Variants in RNF185 observed in about 807,000 individuals in gnomAD.
RNF185 encodes E3 ubiquitin-protein ligase RNF185.
Under a neutral mutation model 24.9 loss-of-function variants are expected in RNF185, and 13 were observed. The ratio of observed to expected loss-of-function variants is 0.52; its 90% CI spans 0.34 to 0.83. RNF185 has a LOEUF of 0.83. RNF185 is among the 40% of genes least tolerant of loss of function. The probability of loss-of-function intolerance (pLI) is 0.01; values close to 1 mark genes in which losing one functional copy is unlikely to be tolerated. For synonymous variants in RNF185, 79 were observed against 90.3 expected, an observed-to-expected ratio of 0.88 and a Z score of 0.71; for missense variants, 184 against 244.7, an observed-to-expected ratio of 0.75 and a Z score of 1.65.
In RNF185 at chr22:31,180,556, G is replaced by T. The variant is rs994307025; in HGVS notation, c.-48-6491G>T. On this transcript the variant is annotated intron_variant, in intron 1 of 6. Transcript: ENST00000326132. ...TTTTTTTTAATACAATCAGAGTCTC[G>T]CTCTAATTGCCCAGGCTGGAGTGCA... is the stretch of plus-strand genomic sequence containing the variant. 2.7e-5 allele frequency among the ~76,000 whole-genome samples: 4 copies of T among 145,800 alleles called. No individual in the cohort carries two copies. In the East Asian group the frequency reaches 8.0e-4, roughly 29 times the overall value.
In RNF185 at chr22:31,205,876, A is replaced by C. The variant is rs900582193; in HGVS notation, c.*1290A>C. 9.8e-5 allele frequency: 15 copies of C among 152,638 alleles called. No individual in the cohort carries two copies. The highest frequency in any genetic ancestry group is 9.8e-4 in the Admixed American group (15 of 15,292). 9.5% of individuals were successfully genotyped at this position (152,638 alleles called of 1,614,324 possible). On this transcript the variant is annotated 3_prime_UTR_variant, in exon 7 of 7. Coordinates refer to ENST00000326132, the MANE Select transcript of RNF185 (RefSeq NM_152267.4). ...TTCCCAATACCTTGATTTGATTTTC[A>C]GTTTCATAAGCTTCTTCCTCTGAAT... is the stretch of plus-strand genomic sequence containing the variant.
chr22:31,172,183 G>T (rs934397676), intron 1 of RNF185, among the ~76,000 whole-genome samples: 5 of 151,708 alleles, frequency 3.3e-5, no homozygotes, highest in Non-Finnish European at 7.4e-5. Flanking sequence ...TTCACTGACT[G>T]TGTGAAAATA....
At chr22:31,166,175 G>A (rs1304000031) in intron 1 of RNF185, among the ~76,000 whole-genome samples, 1 of 152,010 alleles carries the variant, frequency 6.6e-6, no homozygotes, top group Non-Finnish European at 1.5e-5. Flanking sequence ...ATTTTTAGTA[G>A]AGATGGGGTT....
intron 1 of RNF185, among the ~76,000 whole-genome samples, chr22:31,164,583 C>G (rs1394486109): frequency 1.1e-5 from 1 of 91,734 alleles, no homozygotes; most frequent in Non-Finnish European, 2.1e-5. Flanking sequence ...TCCTCATTGT[C>G]TTTTTTTTTT....
At chr22:31,165,848 C>T (rs1923889458) in intron 1 of RNF185, among the ~76,000 whole-genome samples, 2 of 152,182 alleles carry the variant, frequency 1.3e-5, no homozygotes, top group Admixed American at 1.3e-4. Context: ...TCAGGACTAG[C>T]TGCTCATAGC....
rs1923477120 is a variant in RNF185, at chr22:31,160,232, G to C, written c.-120G>C. ...GGTCGGAGGTCTTACCCAACAGATT[G>C]ACGCGGCGTTAGTATTGGCCGTGTA... On this transcript the variant is annotated 5_prime_UTR_variant, in exon 1 of 7. Coordinates refer to ENST00000326132, the MANE Select transcript of RNF185 (RefSeq NM_152267.4). The C allele has an allele frequency of 6.6e-6, 1 of 152,626 alleles. No homozygotes were observed. Among genetic ancestry groups the C allele is most frequent in the African/African-American group, 2.4e-5 (1 of 41,410 alleles). The allele number at this position is 152,626 out of a possible 1,614,324, so 9.5% of individuals were successfully genotyped here.
chr22:31,195,324 TGGGA>T (rs1200672300), intron 3 of RNF185, 141 bp from the exon 4 acceptor site: 1 of 572,256 alleles, frequency 1.7e-6, no homozygotes, highest in Non-Finnish European at 3.1e-6. Context: ...GGAGAAGGAA[TGGGA>T]GTCAGGTTCC....
intron 1 of RNF185, among the ~76,000 whole-genome samples, chr22:31,185,314 T>G (rs957607176): frequency 2.6e-5 from 4 of 152,150 alleles, no homozygotes; most frequent in Admixed American, 1.3e-4. Context: ...AGGCCAGAGC[T>G]CTGAGTCCAC....
At chr22:31,190,108 C>T (rs1393684568) in intron 2 of RNF185, among the ~76,000 whole-genome samples, 2 of 152,134 alleles carry the variant, frequency 1.3e-5, no homozygotes, top group African/African-American at 2.4e-5. Context: ...TCAGCCACAG[C>T]GTGGCACACA....
intron 1 of RNF185, among the ~76,000 whole-genome samples, chr22:31,170,922 G>C (rs572491207): frequency 6.6e-6 from 1 of 151,736 alleles, no homozygotes; most frequent in South Asian, 2.1e-4. Flanking sequence ...TCAGCCTCCT[G>C]AGTAGCTGGC....
At chr22:31,181,485 C>T (rs905103031) in intron 1 of RNF185, among the ~76,000 whole-genome samples, 4 of 152,018 alleles carry the variant, frequency 2.6e-5, no homozygotes, top group Non-Finnish European at 4.4e-5. Context: ...TTATTTTTTT[C>T]CCCTGGAGTA....
chr22:31,166,217 C>T (rs1923909304), intron 1 of RNF185, among the ~76,000 whole-genome samples: 1 of 152,050 alleles, frequency 6.6e-6, no homozygotes, highest in African/African-American at 2.4e-5. Context: ...TCTCGAACTC[C>T]TGACCTCAAG....
chr22:31,168,892 C>T (rs562982112), intron 1 of RNF185, among the ~76,000 whole-genome samples: 1 of 151,958 alleles, frequency 6.6e-6, no homozygotes, highest in African/African-American at 2.4e-5. Flanking sequence ...CCTTTGCCCC[C>T]CCGCCCCACC....
At position 31,188,271 on chromosome 22, in the gene RNF185, T is replaced by G. The variant is rs35511132; in HGVS notation, c.176+1001T>G. On this transcript the variant is annotated intron_variant, in intron 2 of 6. Transcript: ENST00000326132. ...CGTTTAAACAATATTTAAGGGATTT[T>G]AAGTTGGCAACAGCGTAAAACATCA... Among the ~76,000 whole-genome samples, 367 of 152,328 alleles carry G rather than the reference T, an allele frequency of 2.4e-3. 2 individuals carry two copies. In the Middle Eastern group the frequency reaches 0.037, roughly 16 times the overall value.
chr22:31,185,676 G>A (rs532347255), intron 1 of RNF185, among the ~76,000 whole-genome samples: 4 of 152,312 alleles, frequency 2.6e-5, no homozygotes, highest in African/African-American at 7.2e-5. Flanking sequence ...GGTAGCCAGC[G>A]AACATTTCCT....
chr22:31,175,147 C>G (rs2047969695), intron 1 of RNF185, among the ~76,000 whole-genome samples: 1 of 151,082 alleles, frequency 6.6e-6, no homozygotes, highest in African/African-American at 2.4e-5. Context: ...AATCCCCACT[C>G]AGATATGTGT....
chr22:31,195,172 TGA>T (rs1449755869), intron 3 of RNF185, among the ~76,000 whole-genome samples: 1 of 152,124 alleles, frequency 6.6e-6, no homozygotes, highest in African/African-American at 2.4e-5. Flanking sequence ...AGGCTTCTCT[TGA>T]ACTCCTGACC....
At chr22:31,167,167 C>G (rs545455782) in intron 1 of RNF185, among the ~76,000 whole-genome samples, 157 of 152,072 alleles carry the variant, frequency 1.0e-3, no homozygotes, top group African/African-American at 3.6e-3. Flanking sequence ...ACTGTTTTAA[C>G]TAATTTTATC....
chr22:31,192,879 G>A lies in RNF185; in HGVS notation c.195+177G>A, dbSNP rs141790578. Among the ~76,000 whole-genome samples, 330 of 152,246 alleles carry A rather than the reference G, an allele frequency of 2.2e-3. 1 individual carries two copies. Among genetic ancestry groups the A allele is most frequent in the African/African-American group, 7.7e-3 (322 of 41,550 alleles). ...CACTGACAGACACTTGATGAAATCG[G>A]GATGGTCCTAATTCTGCCACAGAGG... On this transcript the variant is annotated intron_variant, in intron 3 of 6. Coordinates refer to ENST00000326132, the MANE Select transcript of RNF185 (RefSeq NM_152267.4).
Sources: gnomAD v4.1 joint callset for allele counts (sites outside exome capture counted in the v4.1 genomes callset) on GRCh38, gnomAD v4.1.1 for gene constraint, MANE v1.5 for transcripts, NCBI Gene and HGNC (gene_info 2026-07-23, HGNC 2026-07-21) for gene names.